MMS19: variants seen among roughly 807,000 people sequenced by gnomAD.
MMS19 encodes the protein MMS19 cytosolic iron-sulfur assembly component, also known as MMS19 nucleotide excision repair protein homolog.
Under a neutral mutation model 129.8 loss-of-function variants are expected in MMS19, and 77 were observed. The ratio of observed to expected loss-of-function variants is 0.59; its 90% CI spans 0.49 to 0.72. The LOEUF (loss-of-function observed/expected upper bound fraction) is 0.72, where lower values mean the gene tolerates loss of function less well. MMS19 is among the 30% of genes least tolerant of loss of function. MMS19 has a pLI of 0.00. For missense variants in MMS19, 1,168 were observed against 1,266.3 expected, an observed-to-expected ratio of 0.92 and a Z score of 1.18; for synonymous variants, 491 against 502.8, an observed-to-expected ratio of 0.98 and a Z score of 0.31.
At chr10:97,498,165 C>T (rs910322340) in intron 1 of MMS19, 108 bp downstream of exon 1, 22 of 1,050,694 alleles carry the variant, frequency 2.1e-5, no homozygotes, top group Non-Finnish European at 3.0e-5. Flanking sequence ...GCCTTGAGAC[C>T]AATCTCTCAA....
intron 1 of MMS19, among the ~76,000 whole-genome samples, chr10:97,495,664 C>CT (rs1242216129): frequency 6.6e-6 from 1 of 152,254 alleles, no homozygotes; most frequent in Non-Finnish European, 1.5e-5. Flanking sequence ...TACAACAACT[C>CT]TTAGTACAGA....
intron 29 of MMS19, 54 bp from the exon 30 acceptor site, chr10:97,458,954 C>T: frequency 6.5e-7 from 1 of 1,545,354 alleles, no homozygotes; most frequent in Non-Finnish European, 8.9e-7. Context: ...ACTGAAAGTA[C>T]CGCTTTTTTG....
intron 2 of MMS19, among the ~76,000 whole-genome samples, chr10:97,481,761 T>TTGTA (rs2036837893): frequency 6.6e-6 from 1 of 151,944 alleles, no homozygotes; most frequent in African/African-American, 2.4e-5. Context: ...GCCATGACAG[T>TTGTA]TGTATTGAAC....
At chr10:97,475,239 C>T (rs757553388) in intron 8 of MMS19, among the ~76,000 whole-genome samples, 81 of 152,024 alleles carry the variant, frequency 5.3e-4, no homozygotes, top group African/African-American at 4.4e-4. Flanking sequence ...TGTACATGCC[C>T]GCATGTGCAC....
At position 97,473,651 on chromosome 10, in the gene MMS19, A is replaced by G. The variant is rs28987117; in HGVS notation, c.685-2790T>C. On this transcript the variant is annotated intron_variant, in intron 8 of 30. Transcript: ENST00000438925. Reference sequence around the variant, plus strand: ...TTGTTTGGCTAAGAATGGTTTTAACATTTTTAATGTTTGAAACAAACCAAA... The same window carrying G: ...TTGTTTGGCTAAGAATGGTTTTAACGTTTTTAATGTTTGAAACAAACCAAA... 7.8e-3 allele frequency among the ~76,000 whole-genome samples: 1,188 copies of G among 152,162 alleles called. 14 individuals carry two copies. Among genetic ancestry groups the G allele is most frequent in the African/African-American group, 0.027 (1,127 of 41,504 alleles).
At chr10:97,460,265 GGAA>G (rs2031400806) in intron 25 of MMS19, 33 bp from the exon 26 acceptor site, 1 of 1,588,130 alleles carries the variant, frequency 6.3e-7, no homozygotes. Context: ...GGTACATCAG[GGAA>G]GAAGAATCTT....
At chr10:97,474,714 C>T (rs1010474852) in intron 8 of MMS19, among the ~76,000 whole-genome samples, 3 of 152,174 alleles carry the variant, frequency 2.0e-5, no homozygotes, top group African/African-American at 7.2e-5. Flanking sequence ...TGCAGAACAA[C>T]ATACAAAAAT....
At chr10:97,468,124 G>T in intron 13 of MMS19, 128 bp downstream of exon 13, 1 of 762,410 alleles carries the variant, frequency 1.3e-6, no homozygotes, top group Non-Finnish European at 2.0e-6. Context: ...GGAAGCAGCA[G>T]CAGCAGCTAA....
In MMS19 at chr10:97,461,979, A is replaced by C. The variant is rs2032093564; in HGVS notation, c.2115+38T>G. 3 of 1,568,236 alleles carry C rather than the reference A, an allele frequency of 1.9e-6. No homozygotes were observed. In the East Asian group the frequency reaches 7.1e-5, roughly 37 times the overall value. On this transcript the variant is annotated intron_variant, in intron 21 of 30. Coordinates refer to ENST00000438925, the MANE Select transcript of MMS19 (RefSeq NM_022362.5). ...ACCCATTCCAGATTAGCCCTAAAAAAAAACCAGCTTGAAGGATGTAAGTTC... is the reference window on the plus strand; with the variant it reads ...ACCCATTCCAGATTAGCCCTAAAAACAAACCAGCTTGAAGGATGTAAGTTC...
chr10:97,479,180 A>G (rs1320195459), intron 3 of MMS19, among the ~76,000 whole-genome samples: 3 of 151,730 alleles, frequency 2.0e-5, no homozygotes, highest in African/African-American at 7.3e-5. Flanking sequence ...GCTACTTAAA[A>G]CCACTTCATG....
At chr10:97,475,800 A>G (rs1226302502) in intron 8 of MMS19, among the ~76,000 whole-genome samples, 1 of 152,198 alleles carries the variant, frequency 6.6e-6, no homozygotes, top group Non-Finnish European at 1.5e-5. Flanking sequence ...AAACCAAAGT[A>G]AAAACAGAAG....
In MMS19 at chr10:97,462,575, A is replaced by T. The variant is rs774043744; in HGVS notation, c.2012+8T>A. Reference sequence around the variant, plus strand: ...CTGGGTTCAAGCCACATCCATGATTATACTTACTCAGGGCTCAGGTGGGTT... The same window carrying T: ...CTGGGTTCAAGCCACATCCATGATTTTACTTACTCAGGGCTCAGGTGGGTT... On this transcript the variant is annotated splice_region_variant and intron_variant, in intron 20 of 30. Coordinates refer to ENST00000438925, the MANE Select transcript of MMS19 (RefSeq NM_022362.5). The T allele has an allele frequency of 6.2e-7, 1 of 1,607,734 alleles. No homozygotes were observed. The highest frequency in any genetic ancestry group is 8.5e-7 in the Non-Finnish European group (1 of 1,174,222).
intron 8 of MMS19, among the ~76,000 whole-genome samples, chr10:97,475,268 T>G (rs962567435): frequency 6.6e-6 from 1 of 150,830 alleles, no homozygotes; most frequent in Non-Finnish European, 1.5e-5. Context: ...TTTAGGGGGG[T>G]GGTGGTAAAA....
chr10:97,458,872 C>T lies in MMS19; in HGVS notation c.2993G>A (p.Arg998Gln), dbSNP rs751672463. The change falls in exon 30 of 31, where the codon CGG (arginine) becomes CAG (glutamine). Residue 998 changes from arginine to glutamine, a missense_variant. Around this residue, in one of 3 missense-constraint regions of MMS19, gnomAD observed 831 missense variants for 910.8 expected, o/e 0.91. Transcript: ENST00000438925. ...VLLPYKPQVI[R>Q]ALAKPLDDKK... ...GTCATCCAGGGGTTTGGCTAAGGCC[C>T]GAATCACCTGTGGTTTGTACGGCAG... 24 of 1,613,866 alleles carry T rather than the reference C, an allele frequency of 1.5e-5. No homozygotes were observed. Among genetic ancestry groups the T allele is most frequent in the East Asian group, 4.5e-5 (2 of 44,896 alleles).
At position 97,463,853 on chromosome 10, in the gene MMS19, G is replaced by T; in HGVS notation, c.1912+5C>A. The T allele has an allele frequency of 3.1e-6, 5 of 1,608,362 alleles. No individual in the cohort carries two copies. Among genetic ancestry groups the T allele is most frequent in the Non-Finnish European group, 4.2e-6 (5 of 1,177,486 alleles). Reference sequence around the variant, plus strand: ...AAAGGCCAGGAAGGAGAGGTGGAAAGTTACCTGGCATAGAGGCCTGCACAG... The same window carrying T: ...AAAGGCCAGGAAGGAGAGGTGGAAATTTACCTGGCATAGAGGCCTGCACAG... On this transcript the variant is annotated splice_donor_5th_base_variant and intron_variant, in intron 19 of 30. Coordinates refer to ENST00000438925, the MANE Select transcript of MMS19 (RefSeq NM_022362.5).
intron 8 of MMS19, among the ~76,000 whole-genome samples, chr10:97,472,229 C>T (rs2034863902): frequency 6.6e-6 from 1 of 152,194 alleles, no homozygotes; most frequent in Non-Finnish European, 1.5e-5. Context: ...CAAATGAAAA[C>T]TAGATAACTA....
chr10:97,481,703 T>C (rs770271466), intron 2 of MMS19, among the ~76,000 whole-genome samples: 2 of 151,998 alleles, frequency 1.3e-5, no homozygotes, highest in Non-Finnish European at 2.9e-5. Flanking sequence ...TACTGAAACA[T>C]ACTAGAAATA....
intron 4 of MMS19, 112 bp from the exon 5 acceptor site, chr10:97,478,041 G>T (rs1158450600): frequency 5.6e-6 from 4 of 718,860 alleles, no homozygotes; most frequent in Non-Finnish European, 9.3e-6. Context: ...CATCCTGGTT[G>T]AGGAAGAAGC....
chr10:97,459,239 C>G lies in MMS19; in HGVS notation c.2948G>C (p.Arg983Pro). 6.2e-7 allele frequency: 1 copy of G among 1,612,240 alleles called. No individual in the cohort carries two copies. Among genetic ancestry groups the G allele is most frequent in the Non-Finnish European group, 8.5e-7 (1 of 1,179,240 alleles). The change falls in exon 29 of 31, where the codon CGC (arginine) becomes CCC (proline). Residue 983 changes from arginine to proline, a missense_variant. This residue lies in a region of MMS19 where 831 missense variants were observed against 910.8 expected (regional missense o/e 0.91). Coordinates refer to ENST00000438925, the MANE Select transcript of MMS19 (RefSeq NM_022362.5). Reference protein sequence around the residue: ...AALQCMHALTRLPTPVLLPYK... With the variant: ...AALQCMHALTPLPTPVLLPYK... ...GGTACTTACCACAGGGGTGGGCAGG[C>G]GAGTGAGAGCATGCATGCACTGCAG...
Sources: gnomAD v4.1 joint callset for allele counts (sites outside exome capture counted in the v4.1 genomes callset) on GRCh38, gnomAD v4.1.1 for gene constraint, gnomAD v4.1.1 regional missense constraint, MANE v1.5 for transcripts, NCBI Gene and HGNC (gene_info 2026-07-23, HGNC 2026-07-21) for gene names.